Variants in AFF2 observed in about 807,000 individuals in gnomAD.
AFF2 encodes AF4/FMR2 family member 2.
A neutral mutation model predicts 76.9 loss-of-function variants in AFF2; 14 were observed. The ratio of observed to expected loss-of-function variants is 0.18; its 90% CI spans 0.12 to 0.28. The LOEUF (loss-of-function observed/expected upper bound fraction) is 0.28, where lower values mean the gene tolerates loss of function less well. AFF2 is among the 10% of genes least tolerant of loss of function. The probability of loss-of-function intolerance (pLI) is 1.00; values close to 1 mark genes in which losing one functional copy is unlikely to be tolerated. For synonymous variants in AFF2, 398 were observed against 366.7 expected (o/e 1.09, Z -0.98); for missense variants, 868 against 1,001.1 (o/e 0.87, Z 1.79).
At chrX:148,672,396 C>T (rs782063759) in intron 3 of AFF2, among the ~76,000 whole-genome samples, 1 of 111,981 alleles carries the variant, frequency 8.9e-6, no homozygotes, top group Admixed American at 9.5e-5. Context: ...AACTTAGTCT[C>T]GGAGAGGCTA....
intron 3 of AFF2, among the ~76,000 whole-genome samples, chrX:148,757,400 A>G (rs1411611481): frequency 1.8e-5 from 2 of 111,614 alleles, no homozygotes; most frequent in African/African-American, 3.3e-5. Context: ...ATGTGTGTCT[A>G]TGTATATGTG....
At chrX:148,861,896 A>G (rs907825734) in intron 7 of AFF2, among the ~76,000 whole-genome samples, 6 of 111,158 alleles carry the variant, frequency 5.4e-5, no homozygotes, top group African/African-American at 2.0e-4. Flanking sequence ...TGTATTGATA[A>G]TATGGAGGGT....
intron 1 of AFF2, among the ~76,000 whole-genome samples, chrX:148,571,327 T>C (rs782785731): frequency 1.8e-5 from 2 of 111,760 alleles, no homozygotes; most frequent in South Asian, 7.4e-4. Flanking sequence ...TGTGCATGAT[T>C]AGCTGCAGCA....
intron 1 of AFF2, among the ~76,000 whole-genome samples, chrX:148,607,494 C>T (rs973593965): frequency 1.2e-4 from 13 of 111,669 alleles, no homozygotes; most frequent in African/African-American, 4.2e-4. Flanking sequence ...TGCCTTTGCT[C>T]CTCCTTCCCC....
At position 148,506,296 on chromosome X, in the gene AFF2, C is replaced by T. The variant is rs139891167; in HGVS notation, c.47+5152C>T. 9.1e-4 allele frequency among the ~76,000 whole-genome samples: 101 copies of T among 111,533 alleles called. 1 individual carries two copies. The East Asian group carries it at 0.028, about 31-fold the overall frequency. On this transcript the variant is annotated intron_variant, in intron 1 of 20. Coordinates refer to ENST00000370460, the MANE Select transcript of AFF2 (RefSeq NM_002025.4). ...TCTTCCACATGCTATCTCATTTGAT[C>T]ATTGTGAGTTAGAATGTTCAGGGGT...
chrX:148,587,911 T>C (rs1408686764), intron 1 of AFF2, among the ~76,000 whole-genome samples: 1 of 112,767 alleles, frequency 8.9e-6, no homozygotes, highest in African/African-American at 3.2e-5. Context: ...TGTTTGCCCG[T>C]AGTAGATGTC....
intron 9 of AFF2, among the ~76,000 whole-genome samples, chrX:148,905,796 C>T (rs1395488725): frequency 5.3e-5 from 6 of 112,663 alleles, no homozygotes; most frequent in African/African-American, 1.9e-4. Context: ...TAATTCTATT[C>T]TAATGGCCTA....
intron 3 of AFF2, among the ~76,000 whole-genome samples, chrX:148,783,220 A>G (rs1188062759): frequency 8.9e-6 from 1 of 112,000 alleles, no homozygotes; most frequent in Non-Finnish European, 1.9e-5. Context: ...GAAAACACAT[A>G]CACAAAAACA....
chrX:148,623,444 A>G (rs2053890402), intron 1 of AFF2, among the ~76,000 whole-genome samples: 1 of 110,823 alleles, frequency 9.0e-6, no homozygotes, highest in Admixed American at 9.6e-5. Flanking sequence ...TGCCTAGCTT[A>G]GTGCCTGGCA....
intron 9 of AFF2, among the ~76,000 whole-genome samples, chrX:148,910,181 A>T (rs1391098282): frequency 8.9e-6 from 1 of 112,851 alleles, no homozygotes; most frequent in Non-Finnish European, 1.9e-5. Context: ...ATTCAGGATC[A>T]GAATCCACTC....
At position 148,956,094 on chromosome X, in the gene AFF2, A is replaced by G. The variant is rs2072034061; in HGVS notation, c.2049A>G (p.Glu683=). ...ATAHKPAPRK[E]PRPNIPLAPE... The stretch of plus-strand genomic sequence containing the variant: ...CCCACAAACCAGCCCCTAGGAAAGA[A>G]CCAAGACCTAACATCCCTTTGGCTC... Residue 683 remains glutamate, a synonymous_variant, in exon 11 of 21, where the codon GAA becomes GAG. Transcript: ENST00000370460. 8.3e-7 allele frequency: 1 copy of G among 1,211,132 alleles called. No individual in the cohort carries two copies. Among genetic ancestry groups the G allele is most frequent in the Non-Finnish European group, 1.1e-6 (1 of 895,381 alleles).
At chrX:148,571,318 G>A (rs1360695438) in intron 1 of AFF2, among the ~76,000 whole-genome samples, 2 of 111,396 alleles carry the variant, frequency 1.8e-5, no homozygotes, top group Admixed American at 1.9e-4. Context: ...TATGATTACT[G>A]TGCATGATTA....
At chrX:148,569,806 A>G (rs1236040590) in intron 1 of AFF2, among the ~76,000 whole-genome samples, 4 of 111,757 alleles carry the variant, frequency 3.6e-5, no homozygotes, top group Non-Finnish European at 7.5e-5. Flanking sequence ...AATAAATGAA[A>G]TTATTATGCA....
chrX:148,587,493 A>G (rs2053479892), intron 1 of AFF2, among the ~76,000 whole-genome samples: 1 of 112,402 alleles, frequency 8.9e-6, no homozygotes. Context: ...AAAGGTGATT[A>G]CAAAAACATG....
At chrX:148,550,544 TA>T (rs2052978059) in intron 1 of AFF2, among the ~76,000 whole-genome samples, 2 of 111,917 alleles carry the variant, frequency 1.8e-5, no homozygotes, top group Admixed American at 9.5e-5. Flanking sequence ...TTTTATCAAA[TA>T]AAAAAATCAT....
chrX:148,518,731 T>G (rs1557234141), intron 1 of AFF2, among the ~76,000 whole-genome samples: 1 of 112,247 alleles, frequency 8.9e-6, no homozygotes, highest in African/African-American at 3.2e-5. Context: ...GCTGAGTTTT[T>G]ATGATGCTTT....
intron 3 of AFF2, among the ~76,000 whole-genome samples, chrX:148,784,275 C>T (rs1304530557): frequency 4.5e-5 from 5 of 112,210 alleles, no homozygotes; most frequent in Non-Finnish European, 7.5e-5. Context: ...TGGGTCTCTT[C>T]CTTGCCAGAG....
intron 9 of AFF2, among the ~76,000 whole-genome samples, chrX:148,942,279 G>A (rs1386474003): frequency 9.2e-6 from 1 of 109,234 alleles, no homozygotes; most frequent in Non-Finnish European, 1.9e-5. Context: ...GAGCAGAGAG[G>A]AGACAAAAGT....
At chrX:148,581,171 A>ACACATATACATATACGTATACACATACG (rs1370926515) in intron 1 of AFF2, among the ~76,000 whole-genome samples, 1 of 63,742 alleles carries the variant, frequency 1.6e-5, no homozygotes, top group Non-Finnish European at 2.7e-5. Context: ...ACACACATAC[A>ACACATATACATATACGTATACACATACG]TATACGTATA....
Sources: allele counts gnomAD v4.1 joint callset (sites outside exome capture counted in the v4.1 genomes callset), GRCh38; gene constraint gnomAD v4.1.1; transcripts MANE v1.5; gene names NCBI Gene and HGNC (gene_info 2026-07-23, HGNC 2026-07-21).